The following EFNB2 variants were observed in gnomAD, a reference collection of about 807,000 sequenced individuals.
EFNB2 encodes ephrin-B2.
Under a neutral mutation model 32.1 loss-of-function variants are expected in EFNB2, and 5 were observed. The observed-to-expected ratio is 0.16, with a 90% CI of 0.08 to 0.33. EFNB2 has a LOEUF of 0.33. Among genes scored for constraint, EFNB2 ranks in the 10% least tolerant of loss-of-function variants. The pLI, the probability that EFNB2 is intolerant of heterozygous loss-of-function variation, is 1.00. For synonymous variants in EFNB2, 168 were observed against 166.5 expected (o/e 1.01, Z -0.07); for missense variants, 263 against 422.6 (o/e 0.62, Z 3.31).
chr13:106,532,497 C>A (rs1300125054), intron 1 of EFNB2, among the ~76,000 whole-genome samples: 1 of 152,222 alleles, frequency 6.6e-6, no homozygotes, highest in Non-Finnish European at 1.5e-5. Context: ...AAATATAAAA[C>A]TTCCCCAAGG....
At position 106,510,938 on chromosome 13, in the gene EFNB2, G is replaced by A. The variant is rs562912715; in HGVS notation, c.406+1591C>T. On this transcript the variant is annotated intron_variant, in intron 2 of 4. Coordinates refer to ENST00000646441, the MANE Select transcript of EFNB2 (RefSeq NM_004093.4). Reference sequence around the variant, plus strand: ...CACTTGAACCCAGGAGGTGGAGGTTGCAGTGAGCCGAGATCACGCCACTGC... The same window carrying A: ...CACTTGAACCCAGGAGGTGGAGGTTACAGTGAGCCGAGATCACGCCACTGC... 2.3e-4 allele frequency among the ~76,000 whole-genome samples: 35 copies of A among 152,236 alleles called. No homozygotes were observed. The East Asian group carries it at 6.8e-3, about 30-fold the overall frequency.
intron 1 of EFNB2, among the ~76,000 whole-genome samples, chr13:106,515,137 G>T (rs747003093): frequency 2.0e-5 from 3 of 152,096 alleles, no homozygotes; most frequent in Admixed American, 2.0e-4. Context: ...CCGTCTCAGC[G>T]ACAGGTCTTG....
intron 1 of EFNB2, among the ~76,000 whole-genome samples, chr13:106,527,929 T>G (rs1879753057): frequency 6.6e-6 from 1 of 152,228 alleles, no homozygotes; most frequent in Non-Finnish European, 1.5e-5. Flanking sequence ...CTTTTGTCAT[T>G]TGCCTGCCAT....
chr13:106,513,341 G>T (rs144631461), intron 1 of EFNB2, among the ~76,000 whole-genome samples: 238 of 151,300 alleles, frequency 1.6e-3, no homozygotes, highest in Middle Eastern at 3.4e-3. Flanking sequence ...ATCATAATTA[G>T]TCAGTCACTG....
chr13:106,509,670 T>TGTGTGC (rs1555324527), intron 2 of EFNB2: 3 of 149,494 alleles, frequency 2.0e-5, no homozygotes, highest in South Asian at 4.3e-4. Flanking sequence ...TGTGTGTGTG[T>TGTGTGC]GCATTTGTCT....
At chr13:106,529,256 T>A (rs2138945127) in intron 1 of EFNB2, among the ~76,000 whole-genome samples, 1 of 152,228 alleles carries the variant, frequency 6.6e-6, no homozygotes, top group South Asian at 2.1e-4. Context: ...TGGTCTCTGT[T>A]CCTTCCCAGC....
rs1359010148 is a variant in EFNB2, at chr13:106,489,905, A to G, written c.*3135T>C. On this transcript the variant is annotated 3_prime_UTR_variant, in exon 5 of 5. Transcript: ENST00000646441. ...CAGGCTATTAAAATAAAACAAAGAA[A>G]GAAAAAAATATTTATAACTCAGGCA... 6.6e-6 allele frequency: 1 copy of G among 152,658 alleles called. No individual in the cohort carries two copies. The highest frequency in any genetic ancestry group is 1.9e-4 in the East Asian group (1 of 5,196). 9.5% of individuals were successfully genotyped at this position (152,658 alleles called of 1,614,324 possible).
At chr13:106,528,680 C>T (rs1477075201) in intron 1 of EFNB2, among the ~76,000 whole-genome samples, 4 of 152,150 alleles carry the variant, frequency 2.6e-5, no homozygotes, top group South Asian at 2.1e-4. Context: ...TCTGGCTTGA[C>T]CCGATTGCGG....
chr13:106,527,834 C>T (rs769903180), intron 1 of EFNB2, among the ~76,000 whole-genome samples: 1 of 152,204 alleles, frequency 6.6e-6, no homozygotes, highest in South Asian at 2.1e-4. Context: ...AGTAAACAAA[C>T]GGCAGGGCTT....
chr13:106,532,071 A>C (rs979587246), intron 1 of EFNB2, among the ~76,000 whole-genome samples: 1 of 78,414 alleles, frequency 1.3e-5, no homozygotes, highest in Non-Finnish European at 2.7e-5. Flanking sequence ...AAAAAACAAA[A>C]AAAAAACCAA....
In EFNB2 at chr13:106,492,996, A is replaced by T. The variant is rs1410737891; in HGVS notation, c.*44T>A. ...AAACCCTCAAGGGAGGCATCGGGAC[A>T]TTAGGTGTCCTCTGGGAAAGCACAG... On this transcript the variant is annotated 3_prime_UTR_variant, in exon 5 of 5. Coordinates refer to ENST00000646441, the MANE Select transcript of EFNB2 (RefSeq NM_004093.4). This position sits in a 1 kb window ranked among gnomAD's most constrained non-coding sequence, Gnocchi z 5.1. 1.3e-6 allele frequency: 2 copies of T among 1,561,474 alleles called. No homozygotes were observed. The highest frequency in any genetic ancestry group is 1.7e-6 in the Non-Finnish European group (2 of 1,153,054).
intron 2 of EFNB2, 134 bp downstream of exon 2, chr13:106,512,395 G>C (rs576640358): frequency 1.6e-5 from 9 of 573,216 alleles, no homozygotes; most frequent in African/African-American, 6.2e-5. Context: ...AAAAAAAAGG[G>C]GGGGGGGACA....
In EFNB2 at chr13:106,509,417, G is replaced by A. The variant is rs1879060597; in HGVS notation, c.406+3112C>T. 2.0e-5 allele frequency among the ~76,000 whole-genome samples: 3 copies of A among 152,180 alleles called. No homozygotes were observed. In the South Asian group the frequency reaches 6.2e-4, roughly 31 times the overall value. ...TACCAACTAGACACTCAGATTTGGG[G>A]TTAAACCCATGTAGAATTTATTAAA... On this transcript the variant is annotated intron_variant, in intron 2 of 4. Coordinates refer to ENST00000646441, the MANE Select transcript of EFNB2 (RefSeq NM_004093.4).
At chr13:106,514,879 C>A (rs1879263450) in intron 1 of EFNB2, among the ~76,000 whole-genome samples, 1 of 152,204 alleles carries the variant, frequency 6.6e-6, no homozygotes, top group Admixed American at 6.5e-5. Context: ...ATTTCCTCAA[C>A]CATTCATTCA....
intron 1 of EFNB2, 129 bp downstream of exon 1, chr13:106,534,714 G>A: frequency 9.2e-7 from 1 of 1,088,714 alleles, no homozygotes; most frequent in Non-Finnish European, 1.3e-6. Flanking sequence ...GCGGGGGTTG[G>A]GGGTGGGGGA....
intron 2 of EFNB2, among the ~76,000 whole-genome samples, chr13:106,502,144 A>C (rs1878804182): frequency 6.6e-6 from 1 of 152,176 alleles, no homozygotes; most frequent in Non-Finnish European, 1.5e-5. Flanking sequence ...TGTTTTGAAA[A>C]CTTAAAGCAG....
At chr13:106,510,490 G>C (rs549350924) in intron 2 of EFNB2, among the ~76,000 whole-genome samples, 1 of 152,298 alleles carries the variant, frequency 6.6e-6, no homozygotes, top group East Asian at 1.9e-4. Context: ...AGAGACTCTG[G>C]GTGTGTCGGC....
At chr13:106,532,282 C>T in intron 1 of EFNB2, among the ~76,000 whole-genome samples, 1 of 152,136 alleles carries the variant, frequency 6.6e-6, no homozygotes, top group Non-Finnish European at 1.5e-5. Flanking sequence ...TTTCTGGACC[C>T]TGTATCCAAA....
chr13:106,495,494 TCTATTATC>T (rs746780645), intron 3 of EFNB2, among the ~76,000 whole-genome samples: 4,093 of 140,780 alleles, frequency 0.029, 185 homozygotes, highest in African/African-American at 0.1. Flanking sequence ...TATCTATCTA[TCTATTATC>T]TATCTATCTA....
Sources: allele counts gnomAD v4.1 joint callset (sites outside exome capture counted in the v4.1 genomes callset), GRCh38; gene constraint gnomAD v4.1.1; non-coding constraint Gnocchi (gnomAD v3.1); transcripts MANE v1.5; gene names NCBI Gene and HGNC (gene_info 2026-07-23, HGNC 2026-07-21).